Variants in CSMD1 observed in about 807,000 individuals in gnomAD.
CSMD1 encodes the protein CUB and Sushi multiple domains 1.
In CSMD1, 213 loss-of-function variants were observed where a neutral mutation model predicts 417.5. That is an observed-to-expected ratio of 0.51 (90% confidence interval 0.46 to 0.57). The LOEUF (loss-of-function observed/expected upper bound fraction) is 0.57. Among genes scored for constraint, CSMD1 ranks in the 20% least tolerant of loss-of-function variants. The pLI is 0.00. For missense variants in CSMD1, 6,923 were observed against 4,529.7 expected (o/e 1.53, Z -15.17); for synonymous variants, 2,862 against 1,736.8 (o/e 1.65, Z -16.11).
chr8:4,494,152 T>C (rs191313180), intron 2 of CSMD1, among the ~76,000 whole-genome samples: 2 of 152,228 alleles, frequency 1.3e-5, no homozygotes, highest in African/African-American at 2.4e-5. Flanking sequence ...TAAGATATTG[T>C]TGTTTCAAAA....
chr8:3,162,707 T>C (rs1438127811), intron 37 of CSMD1, among the ~76,000 whole-genome samples: 1 of 151,704 alleles, frequency 6.6e-6, no homozygotes, highest in African/African-American at 2.4e-5. Flanking sequence ...CTTGGAATTC[T>C]GTTCTTCTAC....
At chr8:3,659,751 T>A (rs1185038843) in intron 7 of CSMD1, among the ~76,000 whole-genome samples, 1 of 152,106 alleles carries the variant, frequency 6.6e-6, no homozygotes, top group African/African-American at 2.4e-5. Flanking sequence ...AACACCCCTA[T>A]GAAAAATACT....
chr8:4,114,366 T>C (rs547871128), intron 3 of CSMD1, among the ~76,000 whole-genome samples: 64 of 152,332 alleles, frequency 4.2e-4, no homozygotes, highest in African/African-American at 1.5e-3. Context: ...TTAAGCCTAC[T>C]GTTGAGACCT....
chr8:4,135,385 G>A (rs932320464), intron 3 of CSMD1, among the ~76,000 whole-genome samples: 26 of 23,300 alleles, frequency 1.1e-3, no homozygotes, highest in African/African-American at 3.5e-3. Context: ...TGGGAAAGAG[G>A]GGGAAGGAAG....
chr8:4,463,815 C>A (rs1024554638), intron 2 of CSMD1, among the ~76,000 whole-genome samples: 1 of 152,066 alleles, frequency 6.6e-6, no homozygotes, highest in African/African-American at 2.4e-5. Flanking sequence ...CCAAAAATAA[C>A]TGTGGTGATG....
intron 1 of CSMD1, among the ~76,000 whole-genome samples, chr8:4,724,581 T>A (rs1036019060): frequency 6.6e-6 from 1 of 151,062 alleles, no homozygotes; most frequent in African/African-American, 2.4e-5. Flanking sequence ...CCCAGTGAAA[T>A]TCTGTTGAAG....
intron 1 of CSMD1, among the ~76,000 whole-genome samples, chr8:4,746,540 G>A (rs1220435201): frequency 1.3e-5 from 2 of 152,214 alleles, no homozygotes; most frequent in African/African-American, 2.4e-5. Context: ...CATGATCAGT[G>A]AAGACGAAGG....
intron 1 of CSMD1, among the ~76,000 whole-genome samples, chr8:4,920,109 T>C (rs1806337504): frequency 6.6e-6 from 1 of 152,174 alleles, no homozygotes; most frequent in South Asian, 2.1e-4. Context: ...TTGAGATCAA[T>C]CAAGGTAGGT....
At chr8:4,890,995 C>T (rs1804083520) in intron 1 of CSMD1, among the ~76,000 whole-genome samples, 1 of 152,086 alleles carries the variant, frequency 6.6e-6, no homozygotes, top group African/African-American at 2.4e-5. Flanking sequence ...CACATGTTTT[C>T]AATCAAGACC....
chr8:4,509,577 T>C (rs963780248), intron 2 of CSMD1, among the ~76,000 whole-genome samples: 1 of 152,182 alleles, frequency 6.6e-6, no homozygotes, highest in African/African-American at 2.4e-5. Context: ...AAGCCAGTCC[T>C]GCAGAGCGAA....
intron 3 of CSMD1, among the ~76,000 whole-genome samples, chr8:4,362,460 C>G (rs965612799): frequency 2.0e-5 from 3 of 152,164 alleles, no homozygotes; most frequent in Admixed American, 6.5e-5. Context: ...AGGTCCCTTG[C>G]TGATAAGATT....
At chr8:4,479,514 C>A (rs1278383736) in intron 2 of CSMD1, among the ~76,000 whole-genome samples, 2 of 152,144 alleles carry the variant, frequency 1.3e-5, no homozygotes, top group Middle Eastern at 6.4e-3. Flanking sequence ...TCATAAATAC[C>A]TTTGCCTCTT....
At chr8:3,700,668 A>T (rs937090549) in intron 7 of CSMD1, 6 of 152,190 alleles carry the variant, frequency 3.9e-5, no homozygotes, top group African/African-American at 1.2e-4. Context: ...GGGAGGGAGG[A>T]TGTGATACGG....
intron 4 of CSMD1, among the ~76,000 whole-genome samples, chr8:4,022,554 A>G (rs1289159410): frequency 6.6e-6 from 1 of 152,158 alleles, no homozygotes; most frequent in Non-Finnish European, 1.5e-5. Flanking sequence ...GGTGTCATGA[A>G]ACAGGGTGTG....
chr8:4,186,491 A>G (rs1798684100), intron 3 of CSMD1, among the ~76,000 whole-genome samples: 2 of 152,146 alleles, frequency 1.3e-5, no homozygotes, highest in African/African-American at 2.4e-5. Flanking sequence ...AAATAAATAA[A>G]TAAGATGGAA....
chr8:4,101,424 T>A (rs1015686587), intron 3 of CSMD1, among the ~76,000 whole-genome samples: 2 of 152,148 alleles, frequency 1.3e-5, no homozygotes, highest in Non-Finnish European at 2.9e-5. Context: ...AATATTTTCA[T>A]TGGCTGCACA....
chr8:4,369,617 G>C (rs555082671), intron 3 of CSMD1, among the ~76,000 whole-genome samples: 32 of 152,278 alleles, frequency 2.1e-4, no homozygotes, highest in African/African-American at 7.7e-4. Flanking sequence ...ATGACTATGA[G>C]TGCTCCCACG....
intron 18 of CSMD1, among the ~76,000 whole-genome samples, chr8:3,371,211 G>A (rs1052794549): frequency 6.6e-6 from 1 of 152,150 alleles, no homozygotes; most frequent in Admixed American, 6.6e-5. Context: ...CCAAACACAT[G>A]AGCCAATTCC....
intron 12 of CSMD1, among the ~76,000 whole-genome samples, chr8:3,436,862 T>G (rs56066772): frequency 6.6e-6 from 1 of 152,042 alleles, no homozygotes; most frequent in Non-Finnish European, 1.5e-5. Context: ...TCGGGATTAT[T>G]AGAGATGAAA....
Sources: allele counts gnomAD v4.1 joint callset (sites outside exome capture counted in the v4.1 genomes callset), GRCh38; gene constraint gnomAD v4.1.1; transcripts MANE v1.5; gene names NCBI Gene and HGNC (gene_info 2026-07-23, HGNC 2026-07-21).